GPR132: variants seen among roughly 807,000 people sequenced by gnomAD.
GPR132 encodes probable G protein-coupled receptor 132.
A neutral mutation model predicts 1.9 loss-of-function variants in GPR132; 4 were observed. That is an observed-to-expected ratio of 2.13 (90% CI 1.05 to 4.87). The LOEUF is 4.87. Among genes scored for constraint, GPR132 ranks in the 30% most tolerant of loss-of-function variants. The pLI is 0.01. For missense variants in GPR132, 404 were observed against 512.5 expected (o/e 0.79, Z 2.04); for synonymous variants, 233 against 234.2 (o/e 0.99, Z 0.05).
At position 105,056,831 on chromosome 14, in the gene GPR132, CG is replaced by C. The variant is rs529247339; in HGVS notation, c.-747+335del. Among the ~76,000 whole-genome samples the C allele has an allele frequency of 3.3e-4, 50 of 152,330 alleles. 1 individual carries two copies. The South Asian group carries it at 0.01, about 31-fold the overall frequency. ...AACGGCACCAGGAGACGCATGGATGCGGGGGGCTGGTGGTCAGCTCCTCATG... is the reference window on the plus strand; with the variant it reads ...AACGGCACCAGGAGACGCATGGATGCGGGGGCTGGTGGTCAGCTCCTCATG... On this transcript the variant is annotated intron_variant, in intron 2 of 3. Coordinates refer to ENST00000329797, the MANE Select transcript of GPR132 (RefSeq NM_013345.4). This position sits in a 1 kb window ranked among gnomAD's most constrained non-coding sequence, Gnocchi z 6.0.
intron 1 of GPR132, chr14:105,057,496 C>T (rs925974888): frequency 1.7e-5 from 4 of 237,642 alleles, no homozygotes; most frequent in East Asian, 8.0e-5. Context: ...TTAGCCACTG[C>T]GACTACATAC....
intron 3 of GPR132, 46 bp from the exon 4 acceptor site, chr14:105,052,148 C>G: frequency 2.7e-6 from 4 of 1,472,366 alleles, no homozygotes; most frequent in Non-Finnish European, 3.6e-6. Flanking sequence ...CTGGAAACCA[C>G]CTGGGAGAGA....
rs775967591 is a variant in GPR132 at position 105,051,648 on chromosome 14, G to A, written c.489C>T (p.Ser163=). Residue 163 remains serine, a synonymous_variant, in exon 4 of 4, where the codon TCC becomes TCT. Coordinates refer to ENST00000329797, the MANE Select transcript of GPR132 (RefSeq NM_013345.4). The surrounding 1 kb of genome is among the most constrained non-coding windows in gnomAD (Gnocchi z 8.0). The stretch of plus-strand genomic sequence containing the variant: ...TCCCGACGAGGATGAAGATGCAGGC[G>A]GAGATGAGGATGGCGGTCCTCCGGC... ...RRRRRTAILI[S]ACIFILVGIV... The A allele has an allele frequency of 1.5e-5, 25 of 1,613,840 alleles. No homozygotes were observed. Among genetic ancestry groups the A allele is most frequent in the East Asian group, 4.5e-5 (2 of 44,900 alleles).
rs766189858 is a variant in GPR132, at chr14:105,051,393, A to G, written c.744T>C (p.Val248=). ...AKVKHSAIAV[V]VIFLVCFAPY... is the part of the protein sequence containing the mutation. ...GGGCGAAGCAGACTAGGAAGATGAC[A>G]ACCACCGCGATGGCCGAGTGCTTCA... is the stretch of plus-strand genomic sequence containing the variant. Residue 248 remains valine (V), a synonymous_variant, in exon 4 of 4, where the codon GTT becomes GTC. Coordinates refer to ENST00000329797, the MANE Select transcript of GPR132 (RefSeq NM_013345.4). This position sits in a 1 kb window ranked among gnomAD's most constrained non-coding sequence, Gnocchi z 8.0. 8 of 1,613,980 alleles carry G rather than the reference A, an allele frequency of 5.0e-6. No homozygotes were observed. Among genetic ancestry groups the G allele is most frequent in the South Asian group, 2.2e-5 (2 of 91,080 alleles).
intron 1 of GPR132, 34 bp from the exon 2 acceptor site, chr14:105,057,314 A>G (rs1809880686): frequency 1.5e-6 from 1 of 664,090 alleles, no homozygotes; most frequent in African/African-American, 1.8e-5. Context: ...TGTTTTAGGG[A>G]AATCAGATTG....
chr14:105,055,485 A>C lies in GPR132; in HGVS notation c.-65T>G, dbSNP rs1886767050. On this transcript the variant is annotated 5_prime_UTR_variant, in exon 3 of 4. Transcript: ENST00000329797. This position sits in a 1 kb window ranked among gnomAD's most constrained non-coding sequence, Gnocchi z 4.7. Reference sequence around the variant, plus strand: ...AACCTTCTCATCTTCCCAAACGGAGACTCTGCCCCAGGAAGCACTCGCTCC... The same window carrying C: ...AACCTTCTCATCTTCCCAAACGGAGCCTCTGCCCCAGGAAGCACTCGCTCC... 1.3e-6 allele frequency: 1 copy of C among 772,324 alleles called. No individual in the cohort carries two copies. Among genetic ancestry groups the C allele is most frequent in the Admixed American group, 1.7e-5 (1 of 58,710 alleles). 47.8% of individuals were successfully genotyped at this position (772,324 alleles called of 1,614,324 possible). A position where few individuals can be genotyped will look rare whatever the true frequency, so the allele number is the denominator to read the frequency against.
At position 105,051,937 on chromosome 14, in the gene GPR132, G is replaced by A. The variant is rs775680264; in HGVS notation, c.200C>T (p.Ala67Val). The change falls in exon 4 of 4, where the codon GCG becomes GTG. Residue 67 changes from alanine to valine, a missense_variant. Transcript: ENST00000329797. This position sits in a 1 kb window ranked among gnomAD's most constrained non-coding sequence, Gnocchi z 8.0. Reference protein sequence around the residue: ...VPANCLTAWLALLQVLQGNVL... With the variant: ...VPANCLTAWLVLLQVLQGNVL... ...GTTGCCCTGCAGTACCTGCAGCAGC[G>A]CCAGCCACGCAGTCAGGCAGTTGGC... 1.3e-5 allele frequency: 21 copies of A among 1,613,326 alleles called. No individual in the cohort carries two copies. Among genetic ancestry groups the A allele is most frequent in the East Asian group, 2.2e-5 (1 of 44,888 alleles).
chr14:105,049,888 G>T lies in GPR132; in HGVS notation c.*1106C>A, dbSNP rs898978340. On this transcript the variant is annotated 3_prime_UTR_variant, in exon 4 of 4. Transcript: ENST00000329797. The stretch of plus-strand genomic sequence containing the variant: ...GCGTGGCTCAGCCCCACGGCCCTGC[G>T]CGGCCTCCCTGGAAGCCCCTGTGCT... 2 of 152,332 alleles carry T rather than the reference G, an allele frequency of 1.3e-5. No individual in the cohort carries two copies. Among genetic ancestry groups the T allele is most frequent in the African/African-American group, 4.8e-5 (2 of 41,448 alleles). The allele number at this position is 152,332 out of a possible 1,614,324, so 9.4% of individuals were successfully genotyped here.
chr14:105,064,829 C>T (rs1235785808), intron 1 of GPR132, among the ~76,000 whole-genome samples: 1 of 152,152 alleles, frequency 6.6e-6, no homozygotes, highest in Non-Finnish European at 1.5e-5. Context: ...GTGCGCCGAA[C>T]GCCACTCCAA....
chr14:105,052,137 C>T (rs1886667250), intron 3 of GPR132, 35 bp from the exon 4 acceptor site: 4 of 1,507,776 alleles, frequency 2.7e-6, no homozygotes, highest in South Asian at 2.6e-5. Flanking sequence ...GACGGGAGTC[C>T]CTGGAAACCA....
Position 105,051,909 on chromosome 14 carries a change from C to T in GPR132, c.228G>A (p.Val76=). The change falls in exon 4 of 4, where the codon GTG becomes GTA. Residue 76 remains valine (V), a synonymous_variant. Coordinates refer to ENST00000329797, the MANE Select transcript of GPR132 (RefSeq NM_013345.4). This position sits in a 1 kb window ranked among gnomAD's most constrained non-coding sequence, Gnocchi z 8.0. ...LALLQVLQGN[V]LAVYLLCLAL... Reference sequence around the variant, plus strand: ...CCAGGCAGAGCAGGTAGACGGCCAGCACGTTGCCCTGCAGTACCTGCAGCA... The same window carrying T: ...CCAGGCAGAGCAGGTAGACGGCCAGTACGTTGCCCTGCAGTACCTGCAGCA... 1 of 1,613,536 alleles carries T rather than the reference C, an allele frequency of 6.2e-7. No individual in the cohort carries two copies. Among genetic ancestry groups the T allele is most frequent in the Non-Finnish European group, 8.5e-7 (1 of 1,179,932 alleles).
Position 105,051,749 on chromosome 14 carries a change from T to C in GPR132, c.388A>G (p.Ile130Val). The C allele has an allele frequency of 6.2e-7, 1 of 1,614,092 alleles. No individual in the cohort carries two copies. The highest frequency in any genetic ancestry group is 8.5e-7 in the Non-Finnish European group (1 of 1,180,032). Residue 130 changes from isoleucine (I) to valine (V), a missense_variant, in exon 4 of 4, where the codon ATC (isoleucine) becomes GTC (valine). Coordinates refer to ENST00000329797, the MANE Select transcript of GPR132 (RefSeq NM_013345.4). This position sits in a 1 kb window ranked among gnomAD's most constrained non-coding sequence, Gnocchi z 8.0. ...CAGGAGATGCAGCACAGGAAGAGGA[T>C]GCTGACGTAGATGTTGCAGAAGAAG... is the stretch of plus-strand genomic sequence containing the variant. Reference protein sequence around the residue: ...YIFFCNIYVSILFLCCISCDR... With the variant: ...YIFFCNIYVSVLFLCCISCDR...
intron 1 of GPR132, among the ~76,000 whole-genome samples, chr14:105,062,309 T>A (rs1165079800): frequency 1.3e-5 from 2 of 152,154 alleles, no homozygotes; most frequent in South Asian, 4.1e-4. Flanking sequence ...TGTGTCCCTG[T>A]CCAGCTCCAT....
In GPR132 at chr14:105,056,125, G is replaced by C. The variant is rs1309459628; in HGVS notation, c.-705C>G. 8 of 985,638 alleles carry C rather than the reference G, an allele frequency of 8.1e-6. No individual in the cohort carries two copies. Among genetic ancestry groups the C allele is most frequent in the Admixed American group, 6.1e-5 (1 of 16,282 alleles). The allele number at this position is 985,638 out of a possible 1,614,324, so 61.1% of individuals were successfully genotyped here. On this transcript the variant is annotated 5_prime_UTR_variant, in exon 3 of 4. Coordinates refer to ENST00000329797, the MANE Select transcript of GPR132 (RefSeq NM_013345.4). The surrounding 1 kb of genome is among the most constrained non-coding windows in gnomAD (Gnocchi z 6.0). ...CCCACAGCCTCGCTGCGCTTGCTGG[G>C]TTTCTCCGGGTGAGTGTCGTGTCCC... is the stretch of plus-strand genomic sequence containing the variant.
intron 1 of GPR132, among the ~76,000 whole-genome samples, chr14:105,058,272 G>A (rs1363018551): frequency 6.6e-6 from 1 of 152,124 alleles, no homozygotes; most frequent in Non-Finnish European, 1.5e-5. Context: ...GAGTTGGGAG[G>A]ATCGCTTGAG....
chr14:105,054,905 T>C (rs1274984460), intron 3 of GPR132, among the ~76,000 whole-genome samples: 1 of 149,498 alleles, frequency 6.7e-6, no homozygotes, highest in Non-Finnish European at 1.5e-5. Context: ...ACAGGCGTGG[T>C]GGCAGGTGCC....
Position 105,055,744 on chromosome 14 carries a change from AGGGTCTC to A in GPR132, c.-331_-325del. ...TTCCATTGTATTCAGTGTGTCCTCC[AGGGTCTC>A]GCCAAAAATATAAATATATATATAT... On this transcript the variant is annotated 5_prime_UTR_variant, in exon 3 of 4. An upstream open reading frame in the 5' UTR loses its in-frame stop. Coordinates refer to ENST00000329797, the MANE Select transcript of GPR132 (RefSeq NM_013345.4). This position sits in a 1 kb window ranked among gnomAD's most constrained non-coding sequence, Gnocchi z 4.7. 1 of 402,126 alleles carries A rather than the reference AGGGTCTC, an allele frequency of 2.5e-6. No homozygotes were observed. The highest frequency in any genetic ancestry group is 2.0e-5 in the African/African-American group (1 of 50,564). 24.9% of individuals were successfully genotyped at this position (402,126 alleles called of 1,614,324 possible).
In GPR132 at chr14:105,050,642, C is replaced by G. The variant is rs1310834752; in HGVS notation, c.*352G>C. On this transcript the variant is annotated 3_prime_UTR_variant, in exon 4 of 4. Transcript: ENST00000329797. This position sits in a 1 kb window ranked among gnomAD's most constrained non-coding sequence, Gnocchi z 4.0. ...AATGCTCCGCAAATAAAGTCATCGC[C>G]ACTGATGCGAACAGGGCAGCCACCA... 1 of 338,202 alleles carries G rather than the reference C, an allele frequency of 3.0e-6. No homozygotes were observed. Among genetic ancestry groups the G allele is most frequent in the African/African-American group, 2.1e-5 (1 of 48,138 alleles). The allele number at this position is 338,202 out of a possible 1,614,324, so 21.0% of individuals were successfully genotyped here. A position where few individuals can be genotyped will look rare whatever the true frequency, so the allele number is the denominator to read the frequency against.
chr14:105,060,076 C>T lies in GPR132; in HGVS notation c.-860-2796G>A, dbSNP rs1304479245. Among the ~76,000 whole-genome samples the T allele has an allele frequency of 2.6e-5, 4 of 152,210 alleles. No homozygotes were observed. The highest frequency in any genetic ancestry group is 5.9e-5 in the Non-Finnish European group (4 of 68,038). On this transcript the variant is annotated intron_variant, in intron 1 of 3. Coordinates refer to ENST00000329797, the MANE Select transcript of GPR132 (RefSeq NM_013345.4). This position sits in a 1 kb window ranked among gnomAD's most constrained non-coding sequence, Gnocchi z 6.3. ...TGGCTGGAGTAAGTATGCACTGCTC[C>T]CTGCATCTCGGGCCAGCCCCCTGAG...
Sources: gnomAD v4.1 joint callset for allele counts (sites outside exome capture counted in the v4.1 genomes callset) on GRCh38, gnomAD v4.1.1 for gene constraint, Gnocchi (gnomAD v3.1) non-coding constraint, MANE v1.5 for transcripts, NCBI Gene and HGNC (gene_info 2026-07-23, HGNC 2026-07-21) for gene names.